The following USP34 variants were observed in gnomAD, a reference collection of about 807,000 sequenced individuals.
USP34 encodes the protein ubiquitin specific peptidase 34.
A neutral mutation model predicts 460.3 loss-of-function variants in USP34; 70 were observed. The ratio of observed to expected loss-of-function variants is 0.15; its 90% CI spans 0.13 to 0.19. The LOEUF (loss-of-function observed/expected upper bound fraction) is 0.19, where lower values mean the gene tolerates loss of function less well. Ranked by LOEUF, USP34 falls within the 10% of genes least tolerant of loss-of-function variation. USP34 has a pLI of 1.00. For synonymous variants in USP34, 1,647 were observed against 1,405.3 expected, an observed-to-expected ratio of 1.17 and a Z score of -3.85; for missense variants, 3,985 against 4,236.2, an observed-to-expected ratio of 0.94 and a Z score of 1.65.
intron 25 of USP34, among the ~76,000 whole-genome samples, chr2:61,313,122 C>T (rs1427257188): frequency 6.6e-6 from 1 of 151,996 alleles, no homozygotes; most frequent in African/African-American, 2.4e-5. Flanking sequence ...TCAATTTTAT[C>T]CATATCCTAG....
chr2:61,383,721 A>G (rs1438046076), intron 5 of USP34, among the ~76,000 whole-genome samples: 1 of 152,214 alleles, frequency 6.6e-6, no homozygotes, highest in African/African-American at 2.4e-5. Context: ...CTCCGTCTCA[A>G]ATAAAAAACA....
chr2:61,303,021 T>C (rs528425593), intron 27 of USP34, among the ~76,000 whole-genome samples: 1 of 152,320 alleles, frequency 6.6e-6, no homozygotes, highest in African/African-American at 2.4e-5. Context: ...GATGTTCGCT[T>C]ATCTCCAAAA....
At chr2:61,430,780 C>T (rs929334996) in intron 1 of USP34, among the ~76,000 whole-genome samples, 2 of 151,828 alleles carry the variant, frequency 1.3e-5, no homozygotes, top group Non-Finnish European at 1.5e-5. Flanking sequence ...CTTGGGAGAC[C>T]GAGGCAAGAG....
At chr2:61,222,889 T>C in intron 64 of USP34, 171 bp downstream of exon 64, 2 of 692,804 alleles carry the variant, frequency 2.9e-6, no homozygotes, top group Non-Finnish European at 4.8e-6. Context: ...TAGAGACGGG[T>C]TCTCACTATG....
intron 41 of USP34, among the ~76,000 whole-genome samples, chr2:61,276,019 T>C (rs1311332115): frequency 6.6e-6 from 1 of 152,190 alleles, no homozygotes; most frequent in Non-Finnish European, 1.5e-5. Flanking sequence ...CTTTTACAAA[T>C]GAATGGGAAA....
At chr2:61,337,823 T>G (rs1387868930) in intron 18 of USP34, among the ~76,000 whole-genome samples, 3 of 152,158 alleles carry the variant, frequency 2.0e-5, no homozygotes, top group African/African-American at 7.2e-5. Flanking sequence ...CAGGGTATAT[T>G]TTGTTAGGCA....
chr2:61,236,345 A>C lies in USP34; in HGVS notation c.6822T>G (p.Ile2274Met). ...CTTACCCAAAATATGTATGTTCAAA[A>C]ATGTTTTTGTCTTGAAGAAACTGCA... is the stretch of plus-strand genomic sequence containing the variant. ...DNMQFLQDKN[I>M]FEHTYFGFMW... The change falls in exon 54 of 80, where the codon ATT (isoleucine) becomes ATG (methionine). Residue 2274 changes from isoleucine to methionine, a missense_variant. By Grantham distance (10) the Ile-to-Met change is conservative. Coordinates refer to ENST00000398571, the MANE Select transcript of USP34 (RefSeq NM_014709.4). 1 of 1,604,802 alleles carries C rather than the reference A, an allele frequency of 6.2e-7. No homozygotes were observed. The highest frequency in any genetic ancestry group is 8.5e-7 in the Non-Finnish European group (1 of 1,176,620).
At chr2:61,295,082 T>C (rs1398247004) in intron 31 of USP34, 50 bp from the exon 32 acceptor site, 2 of 1,602,254 alleles carry the variant, frequency 1.2e-6, no homozygotes, top group Non-Finnish European at 8.5e-7. Flanking sequence ...GAAAGAATTA[T>C]TATAGAATGG....
intron 56 of USP34, 47 bp from the exon 57 acceptor site, chr2:61,235,957 A>AT (rs1558482333): frequency 1.3e-6 from 2 of 1,599,244 alleles, no homozygotes; most frequent in Non-Finnish European, 1.7e-6. Flanking sequence ...TGAGCCAACA[A>AT]TAACAAAAAC....
chr2:61,453,257 C>T (rs928204620), intron 1 of USP34, among the ~76,000 whole-genome samples: 1 of 150,394 alleles, frequency 6.6e-6, no homozygotes, highest in Non-Finnish European at 1.5e-5. Flanking sequence ...CTAAAAATAC[C>T]AAAAACATTA....
At chr2:61,289,026 G>C in intron 33 of USP34, 149 bp from the exon 34 acceptor site, 1 of 741,362 alleles carries the variant, frequency 1.3e-6, no homozygotes, top group Non-Finnish European at 2.1e-6. Flanking sequence ...CAAATATTAT[G>C]GTCAGTACCA....
At chr2:61,295,119 C>A in intron 31 of USP34, 49 bp downstream of exon 31, 1 of 1,597,368 alleles carries the variant, frequency 6.3e-7, no homozygotes, top group Non-Finnish European at 8.5e-7. Flanking sequence ...TAGAATTTTG[C>A]TCCAGAGAGA....
intron 1 of USP34, among the ~76,000 whole-genome samples, chr2:61,459,701 CG>C (rs1429735257): frequency 1.8e-3 from 273 of 150,328 alleles, no homozygotes; most frequent in Non-Finnish European, 3.0e-3. Flanking sequence ...CGCTTGAACC[CG>C]GGAGGCGAAG....
chr2:61,210,649 T>C (rs368311233), intron 69 of USP34, among the ~76,000 whole-genome samples: 7 of 152,238 alleles, frequency 4.6e-5, no homozygotes, highest in East Asian at 3.8e-4. Flanking sequence ...AATGTTGTTA[T>C]AGACTACAAC....
chr2:61,306,098 ATTTTGGC>A (rs1156635258), intron 27 of USP34, among the ~76,000 whole-genome samples: 3 of 107,858 alleles, frequency 2.8e-5, no homozygotes, highest in East Asian at 3.3e-4. Flanking sequence ...CCATTTGTCT[ATTTTGGC>A]TTTGTTGCCA....
At chr2:61,337,818 T>C (rs1387511279) in intron 18 of USP34, among the ~76,000 whole-genome samples, 1 of 152,130 alleles carries the variant, frequency 6.6e-6, no homozygotes, top group African/African-American at 2.4e-5. Flanking sequence ...ATCACCAGGG[T>C]ATATTTTGTT....
intron 41 of USP34, among the ~76,000 whole-genome samples, chr2:61,277,107 TA>T (rs1286719347): frequency 1.3e-5 from 2 of 152,186 alleles, no homozygotes; most frequent in African/African-American, 4.8e-5. Flanking sequence ...CACAGGTCTT[TA>T]AAATATGAAA....
At chr2:61,265,132 GACA>G (rs914378740) in intron 43 of USP34, 22 of 279,774 alleles carry the variant, frequency 7.9e-5, no homozygotes, top group African/African-American at 3.7e-4. Context: ...CGTTTTTACT[GACA>G]ACATGATATT....
chr2:61,278,055 C>G, intron 41 of USP34, 110 bp downstream of exon 41: 1 of 1,306,064 alleles, frequency 7.7e-7, no homozygotes, highest in Non-Finnish European at 1.0e-6. Context: ...GTAAACTGCC[C>G]AGTCTCGGGT....
Sources: gnomAD v4.1 joint callset for allele counts (sites outside exome capture counted in the v4.1 genomes callset) on GRCh38, gnomAD v4.1.1 for gene constraint, MANE v1.5 for transcripts, NCBI Gene and HGNC (gene_info 2026-07-23, HGNC 2026-07-21) for gene names.